Variants in NAA35 observed in about 807,000 individuals in gnomAD.
NAA35 encodes N-alpha-acetyltransferase 35, NatC auxiliary subunit.
Under a neutral mutation model 101.7 loss-of-function variants are expected in NAA35, and 18 were observed. That is an observed-to-expected ratio of 0.18 (90% confidence interval 0.12 to 0.26). The LOEUF is 0.26. NAA35 is among the 10% of genes least tolerant of loss of function. The pLI, the probability that NAA35 is intolerant of heterozygous loss-of-function variation, is 1.00. For missense variants in NAA35, 601 were observed against 886.8 expected, an observed-to-expected ratio of 0.68 and a Z score of 4.09; for synonymous variants, 267 against 273.1, an observed-to-expected ratio of 0.98 and a Z score of 0.22.
chr9:85,977,830 A>C (rs1411977299), intron 10 of NAA35, among the ~76,000 whole-genome samples: 4 of 152,090 alleles, frequency 2.6e-5, no homozygotes, highest in African/African-American at 4.8e-5. Context: ...GTATTTTTGC[A>C]CTAATTCAAG....
chr9:85,992,596 G>C (rs1394075390), intron 11 of NAA35, among the ~76,000 whole-genome samples: 1 of 152,146 alleles, frequency 6.6e-6, no homozygotes, highest in Non-Finnish European at 1.5e-5. Context: ...ATATGAATCT[G>C]ATCATGAGGA....
intron 22 of NAA35, 35 bp from the exon 23 acceptor site, chr9:86,021,866 A>G (rs770617177): frequency 1.0e-5 from 15 of 1,486,472 alleles, no homozygotes; most frequent in Non-Finnish European, 1.3e-5. Flanking sequence ...GAATATTTGT[A>G]GATACATTAA....
chr9:85,983,321 A>T (rs184369872), intron 11 of NAA35, among the ~76,000 whole-genome samples: 2 of 152,360 alleles, frequency 1.3e-5, no homozygotes, highest in Admixed American at 6.5e-5. Context: ...AAGAGTTTAG[A>T]AGATTCTTCT....
At chr9:86,015,819 C>T in intron 17 of NAA35, 1 of 974,124 alleles carries the variant, frequency 1.0e-6, no homozygotes, top group African/African-American at 1.8e-5. Flanking sequence ...CATCAGTTGC[C>T]TATAGAAATC....
At chr9:85,950,102 C>G (rs993457997) in intron 2 of NAA35, among the ~76,000 whole-genome samples, 2 of 152,070 alleles carry the variant, frequency 1.3e-5, no homozygotes, top group Non-Finnish European at 2.9e-5. Context: ...GGATAAGGCC[C>G]AATTTACTCA....
chr9:86,017,597 T>C, intron 19 of NAA35, 32 bp downstream of exon 19: 1 of 1,562,466 alleles, frequency 6.4e-7, no homozygotes, highest in Non-Finnish European at 8.8e-7. Context: ...TCTTTTTGCC[T>C]TTTAGCTATA....
intron 13 of NAA35, among the ~76,000 whole-genome samples, chr9:86,006,441 A>G (rs545486748): frequency 9.2e-5 from 14 of 152,340 alleles, no homozygotes; most frequent in African/African-American, 3.1e-4. Context: ...ACTGTGGTAC[A>G]TGCACAGTGG....
intron 1 of NAA35, 177 bp downstream of exon 1, chr9:85,941,450 C>T (rs117408317): frequency 2.3e-5 from 23 of 985,474 alleles, no homozygotes; most frequent in Non-Finnish European, 2.8e-5. Flanking sequence ...GCCGAGGCCC[C>T]ACTCTTGCCC....
chr9:85,996,579 T>C lies in NAA35; in HGVS notation c.1056+2T>C. 6.4e-7 allele frequency: 1 copy of C among 1,552,408 alleles called. No homozygotes were observed. Reference sequence around the variant, plus strand: ...TTAACAAATTTACATTGTATCCTGGTAAGTACAAATCTCTGTTCCAGAATG... The same window carrying C: ...TTAACAAATTTACATTGTATCCTGGCAAGTACAAATCTCTGTTCCAGAATG... On this transcript the variant is annotated splice_donor_variant, in intron 12 of 22. Transcript: ENST00000361671. LOFTEE classifies it high-confidence loss of function.
chr9:85,942,131 C>T, intron 1 of NAA35, 24 bp from the exon 2 acceptor site: 4 of 1,607,306 alleles, frequency 2.5e-6, no homozygotes, highest in Non-Finnish European at 3.4e-6. Flanking sequence ...CATCCTCTCT[C>T]TTACATCAGT....
intron 3 of NAA35, 105 bp downstream of exon 3, chr9:85,956,498 A>G (rs946512024): frequency 8.7e-6 from 5 of 572,772 alleles, no homozygotes; most frequent in Non-Finnish European, 1.4e-5. Context: ...TTACGTTTCA[A>G]AATTGTGAAA....
intron 11 of NAA35, among the ~76,000 whole-genome samples, chr9:85,990,604 A>ATATC (rs1830859948): frequency 6.6e-6 from 1 of 152,246 alleles, no homozygotes; most frequent in Admixed American, 6.5e-5. Context: ...AAAGGGAACC[A>ATATC]TGTATTTCCA....
At chr9:85,974,269 T>G (rs747359919) in intron 6 of NAA35, among the ~76,000 whole-genome samples, 4 of 152,168 alleles carry the variant, frequency 2.6e-5, no homozygotes, top group Non-Finnish European at 5.9e-5. Flanking sequence ...CCTAGCTATG[T>G]TTTTATAGGA....
intron 2 of NAA35, among the ~76,000 whole-genome samples, chr9:85,942,794 G>A (rs1003623527): frequency 6.6e-6 from 1 of 152,068 alleles, no homozygotes; most frequent in Non-Finnish European, 1.5e-5. Flanking sequence ...TTATCTCTTC[G>A]TAATACACAC....
chr9:86,004,112 T>C (rs1831528066), intron 13 of NAA35, among the ~76,000 whole-genome samples: 1 of 152,084 alleles, frequency 6.6e-6, no homozygotes, highest in South Asian at 2.1e-4. Flanking sequence ...GTTTTTTTGT[T>C]TTGTTTTTGT....
intron 11 of NAA35, among the ~76,000 whole-genome samples, chr9:85,983,344 A>G (rs1830512309): frequency 6.6e-6 from 1 of 152,238 alleles, no homozygotes; most frequent in Non-Finnish European, 1.5e-5. Flanking sequence ...GGGAAATCTG[A>G]AAAGTCCAAG....
At chr9:86,009,813 C>T (rs377201900) in intron 14 of NAA35, 52 bp from the exon 15 acceptor site, 4 of 1,390,676 alleles carry the variant, frequency 2.9e-6, no homozygotes, top group Non-Finnish European at 4.1e-6. Context: ...GTAATTGCTG[C>T]TGCTTTTGTT....
rs371078743 is a variant in NAA35, at chr9:86,020,145, A to G, written c.2038-744A>G. Among the ~76,000 whole-genome samples the G allele has an allele frequency of 1.3e-3, 192 of 152,332 alleles. 4 individuals carry two copies. The South Asian group carries it at 0.033, about 26-fold the overall frequency. The stretch of plus-strand genomic sequence containing the variant: ...AGTATAAAATATCTTTATAAAGATA[A>G]TATCAGAATTGGTAGTTTTGTTTCC... On this transcript the variant is annotated intron_variant, in intron 21 of 22. Coordinates refer to ENST00000361671, the MANE Select transcript of NAA35 (RefSeq NM_024635.4).
At chr9:85,992,255 T>A (rs1361548572) in intron 11 of NAA35, among the ~76,000 whole-genome samples, 2 of 151,694 alleles carry the variant, frequency 1.3e-5, no homozygotes, top group African/African-American at 4.8e-5. Context: ...TTGAAGGGGA[T>A]CTCACGTGGT....
Sources: allele counts gnomAD v4.1 joint callset (sites outside exome capture counted in the v4.1 genomes callset), GRCh38; gene constraint gnomAD v4.1.1; transcripts MANE v1.5; gene names NCBI Gene and HGNC (gene_info 2026-07-23, HGNC 2026-07-21).